PTCHD1: variants seen among roughly 807,000 people sequenced by gnomAD.
The protein encoded by PTCHD1 is patched domain-containing protein 1.
PTCHD1 carries 3 observed loss-of-function variants against 34.6 expected under a neutral mutation model. The observed-to-expected ratio is 0.09, with a 90% CI of 0.04 to 0.22. PTCHD1 has a LOEUF of 0.22. PTCHD1 is among the 10% of genes least tolerant of loss of function. The probability of loss-of-function intolerance (pLI) is 1.00; values close to 1 mark genes in which losing one functional copy is unlikely to be tolerated. For synonymous variants in PTCHD1, 305 were observed against 283.1 expected (o/e 1.08, Z -0.77); for missense variants, 504 against 685.5 (o/e 0.74, Z 2.96).
chrX:23,371,192 C>T (rs1293855124), intron 1 of PTCHD1, among the ~76,000 whole-genome samples: 1 of 112,044 alleles, frequency 8.9e-6, no homozygotes, highest in East Asian at 2.8e-4. Context: ...AAGGATTATT[C>T]CCATAATTCA....
intron 2 of PTCHD1, among the ~76,000 whole-genome samples, chrX:23,391,155 T>C (rs2146650394): frequency 9.0e-6 from 1 of 111,149 alleles, no homozygotes; most frequent in East Asian, 2.9e-4. Flanking sequence ...AGAATGGAGT[T>C]TAGAACATGA....
At position 23,393,481 on chromosome X, in the gene PTCHD1, GAAAC is replaced by G. The variant is rs1057517808; in HGVS notation, c.1969_1972del (p.Asn657GlufsTer11). On this transcript the variant is annotated frameshift_variant, in exon 3 of 3. Transcript: ENST00000379361. LOFTEE classifies it high-confidence loss of function. ...AATGTTTTTGGTGGCCAAGACCATG[GAAAC>G]AAACAGAGAAGAACTCTATGATCTC... The G allele has an allele frequency of 8.3e-7, 1 of 1,210,427 alleles. No homozygotes were observed. The highest frequency in any genetic ancestry group is 1.1e-6 in the Non-Finnish European group (1 of 894,245).
At chrX:23,354,933 A>G (rs755686667) in intron 1 of PTCHD1, among the ~76,000 whole-genome samples, 10 of 106,434 alleles carry the variant, frequency 9.4e-5, no homozygotes, top group Non-Finnish European at 1.9e-4. Context: ...GCCCCTCCCA[A>G]GTTGTCTCCT....
intron 2 of PTCHD1, among the ~76,000 whole-genome samples, chrX:23,392,074 CTTTTTTT>C (rs763041195): frequency 1.9e-5 from 1 of 52,355 alleles, no homozygotes; most frequent in African/African-American, 1.3e-4. Context: ...TTCTTTCTTT[CTTTTTTT>C]TTTTTTTTTT....
At position 23,394,096 on chromosome X, in the gene PTCHD1, A is replaced by G; in HGVS notation, c.2578A>G (p.Lys860Glu). 8.3e-7 allele frequency: 1 copy of G among 1,210,432 alleles called. No individual in the cohort carries two copies. The highest frequency in any genetic ancestry group is 3.0e-5 in the East Asian group (1 of 33,806). Residue 860 changes from lysine to glutamate, a missense_variant, in exon 3 of 3, where the codon AAA becomes GAA. Coordinates refer to ENST00000379361, the MANE Select transcript of PTCHD1 (RefSeq NM_173495.3). Reference sequence around the variant, plus strand: ...CTCTAAGAAAAAAAGGAAAGAGAAGAAAAATCCTGAGAACCGGGAGGAAAT... The same window carrying G: ...CTCTAAGAAAAAAAGGAAAGAGAAGGAAAATCCTGAGAACCGGGAGGAAAT... ...PPSKKKRKEK[K>E]NPENREEIEC...
intron 1 of PTCHD1, among the ~76,000 whole-genome samples, chrX:23,373,832 G>A (rs1295749399): frequency 8.9e-6 from 1 of 112,171 alleles, no homozygotes; most frequent in Non-Finnish European, 1.9e-5. Context: ...ATGTAGTTTG[G>A]AGGGATTCAG....
At chrX:23,364,414 ACCG>A (rs1922079767) in intron 1 of PTCHD1, among the ~76,000 whole-genome samples, 1 of 100,094 alleles carries the variant, frequency 1.0e-5, no homozygotes, top group Non-Finnish European at 2.0e-5. Context: ...ACACACACAC[ACCG>A]TATTCAGTGA....
Position 23,393,543 on chromosome X carries a change from C to T in PTCHD1, c.2025C>T (p.Ser675=), listed in dbSNP as rs1212507938. The change falls in exon 3 of 3, where the codon TCC becomes TCT. Residue 675 remains serine (S), a synonymous_variant. Coordinates refer to ENST00000379361, the MANE Select transcript of PTCHD1 (RefSeq NM_173495.3). ...LETLRRLSVT[S]KVKFIVFNPS... ...CCCTGAGGAGACTTTCTGTCACCTCCAAGGTGAAGTTCATCGTCTTCAATC... is the reference window on the plus strand; with the variant it reads ...CCCTGAGGAGACTTTCTGTCACCTCTAAGGTGAAGTTCATCGTCTTCAATC... The T allele has an allele frequency of 1.7e-6, 2 of 1,210,877 alleles. No homozygotes were observed. The highest frequency in any genetic ancestry group is 3.5e-5 in the African/African-American group (2 of 57,775).
At chrX:23,338,456 C>G (rs1921227741) in intron 1 of PTCHD1, among the ~76,000 whole-genome samples, 1 of 111,936 alleles carries the variant, frequency 8.9e-6, no homozygotes, top group Admixed American at 9.5e-5. Flanking sequence ...AGGCTGTTAA[C>G]AAAACAATTC....
intron 2 of PTCHD1, among the ~76,000 whole-genome samples, chrX:23,386,773 A>G (rs766324844): frequency 8.4e-4 from 95 of 112,811 alleles, no homozygotes; most frequent in African/African-American, 2.7e-3. Flanking sequence ...TTTTATTTCC[A>G]TATATGAAAT....
intron 1 of PTCHD1, among the ~76,000 whole-genome samples, chrX:23,363,113 C>G (rs1221628693): frequency 8.9e-6 from 1 of 112,466 alleles, no homozygotes; most frequent in Non-Finnish European, 1.9e-5. Context: ...GTCAGGGACC[C>G]ACTTGAGGAG....
chrX:23,341,628 A>G (rs764440593), intron 1 of PTCHD1, among the ~76,000 whole-genome samples: 1 of 112,641 alleles, frequency 8.9e-6, no homozygotes, highest in African/African-American at 3.2e-5. Context: ...CCGGAAGGCC[A>G]CAGAACTACC....
chrX:23,357,076 T>C (rs1350707084), intron 1 of PTCHD1, among the ~76,000 whole-genome samples: 1 of 112,230 alleles, frequency 8.9e-6, no homozygotes, highest in Admixed American at 9.4e-5. Flanking sequence ...TCTGTATGAC[T>C]GAAGTGTCAG....
intron 1 of PTCHD1, among the ~76,000 whole-genome samples, chrX:23,358,867 A>G (rs976269849): frequency 1.0e-3 from 114 of 112,088 alleles, no homozygotes; most frequent in Middle Eastern, 4.6e-3. Flanking sequence ...TCTACATATG[A>G]CTAGCCAGTT....
chrX:23,336,246 A>G (rs1007782096), intron 1 of PTCHD1, among the ~76,000 whole-genome samples: 2 of 111,611 alleles, frequency 1.8e-5, no homozygotes, highest in Admixed American at 1.9e-4. Context: ...AAGTAAAAAT[A>G]GGTGAGAATG....
intron 2 of PTCHD1, among the ~76,000 whole-genome samples, chrX:23,387,958 C>G (rs1407887479): frequency 8.9e-6 from 1 of 111,910 alleles, no homozygotes; most frequent in African/African-American, 3.3e-5. Context: ...CAGTCCTGCA[C>G]TGTGACTGTA....
chrX:23,335,184 A>G lies in PTCHD1; in HGVS notation c.309A>G (p.Lys103=), dbSNP rs1921131147. 1 of 1,211,576 alleles carries G rather than the reference A, an allele frequency of 8.3e-7. No homozygotes were observed. The highest frequency in any genetic ancestry group is 1.8e-5 in the South Asian group (1 of 57,013). Residue 103 remains lysine (K), a synonymous_variant, in exon 1 of 3, where the codon AAA becomes AAG. Coordinates refer to ENST00000379361, the MANE Select transcript of PTCHD1 (RefSeq NM_173495.3). ...GGGTCATCGTCACCTCCTTCCAGAAAGCCAACATGCTGGACCAGCATCACA... is the reference window on the plus strand; with the variant it reads ...GGGTCATCGTCACCTCCTTCCAGAAGGCCAACATGCTGGACCAGCATCACA... ...YGRVIVTSFQ[K]ANMLDQHHTD...
At position 23,393,537 on chromosome X, in the gene PTCHD1, C is replaced by G. The variant is rs758076514; in HGVS notation, c.2019C>G (p.Val673=). The G allele has an allele frequency of 3.2e-5, 39 of 1,211,581 alleles. No homozygotes were observed. The South Asian group carries it at 6.8e-4, about 21-fold the overall frequency. The change falls in exon 3 of 3, where the codon GTC becomes GTG. Residue 673 remains valine (V), a synonymous_variant. Transcript: ENST00000379361. ...TGGAAACCCTGAGGAGACTTTCTGT[C>G]ACCTCCAAGGTGAAGTTCATCGTCT... ...DLLETLRRLS[V]TSKVKFIVFN...
chrX:23,355,760 C>T (rs1412965772), intron 1 of PTCHD1, among the ~76,000 whole-genome samples: 1 of 112,156 alleles, frequency 8.9e-6, no homozygotes, highest in African/African-American at 3.2e-5. Context: ...CTACTTCAGC[C>T]TGGAAAAGGA....
Sources: allele counts gnomAD v4.1 joint callset (sites outside exome capture counted in the v4.1 genomes callset), GRCh38; gene constraint gnomAD v4.1.1; transcripts MANE v1.5; gene names NCBI Gene and HGNC (gene_info 2026-07-23, HGNC 2026-07-21).